The following MARCHF1 variants were observed in gnomAD, a reference collection of about 807,000 sequenced individuals.
MARCHF1 encodes membrane associated ring-CH-type finger 1.
A neutral mutation model predicts 54.2 loss-of-function variants in MARCHF1; 40 were observed. That is an observed-to-expected ratio of 0.74 (90% CI 0.57 to 0.96). The LOEUF (loss-of-function observed/expected upper bound fraction) is 0.96, where lower values mean the gene tolerates loss of function less well. MARCHF1 is among the 40% of genes least tolerant of loss of function. The pLI is 0.00. For missense variants in MARCHF1, 586 were observed against 656.5 expected, an observed-to-expected ratio of 0.89 and a Z score of 1.17; for synonymous variants, 236 against 236.3, an observed-to-expected ratio of 1.00 and a Z score of 0.01.
At chr4:163,958,904 C>G (rs1391728745) in intron 3 of MARCHF1, among the ~76,000 whole-genome samples, 1 of 151,914 alleles carries the variant, frequency 6.6e-6, no homozygotes. Context: ...GGATTTATAG[C>G]CTCCACTTTC....
At chr4:163,745,898 G>C (rs1400939068) in intron 4 of MARCHF1, among the ~76,000 whole-genome samples, 2 of 152,052 alleles carry the variant, frequency 1.3e-5, no homozygotes, top group Non-Finnish European at 2.9e-5. Context: ...AAAATTGAAG[G>C]GAAAGCACAC....
intron 5 of MARCHF1, among the ~76,000 whole-genome samples, chr4:163,656,383 A>G (rs1425744154): frequency 6.6e-6 from 1 of 152,060 alleles, no homozygotes; most frequent in African/African-American, 2.4e-5. Flanking sequence ...GAATAGACTA[A>G]TAACAAGTTC....
chr4:163,613,869 T>A (rs1486025024), intron 5 of MARCHF1, among the ~76,000 whole-genome samples: 2 of 152,142 alleles, frequency 1.3e-5, no homozygotes, highest in Non-Finnish European at 2.9e-5. Flanking sequence ...TACTTTGTAA[T>A]ATTTAAAAGC....
At chr4:163,647,528 T>C (rs1448224548) in intron 5 of MARCHF1, among the ~76,000 whole-genome samples, 4 of 151,968 alleles carry the variant, frequency 2.6e-5, no homozygotes, top group Non-Finnish European at 5.9e-5. Flanking sequence ...AAACAAGTCT[T>C]AACAAATTTA....
intron 8 of MARCHF1, among the ~76,000 whole-genome samples, chr4:163,555,481 T>C (rs1457677082): frequency 1.3e-5 from 2 of 152,144 alleles, no homozygotes; most frequent in African/African-American, 4.8e-5. Flanking sequence ...TACTTGAAAG[T>C]TTAATTAATA....
chr4:164,136,057 T>C lies in MARCHF1; in HGVS notation c.-322-24395A>G, dbSNP rs368482827. Among the ~76,000 whole-genome samples, 10 of 152,134 alleles carry C rather than the reference T, an allele frequency of 6.6e-5. No individual in the cohort carries two copies. In the South Asian group the frequency reaches 1.0e-3, roughly 16 times the overall value. ...GAAAAGATACAGTTATACACATATT[T>C]TTTTCAATGATCAAATTTCCATTTT... On this transcript the variant is annotated intron_variant, in intron 1 of 9. Transcript: ENST00000514618.
intron 1 of MARCHF1, among the ~76,000 whole-genome samples, chr4:164,357,254 G>A (rs530784539): frequency 1.3e-5 from 2 of 152,230 alleles, no homozygotes; most frequent in South Asian, 4.1e-4. Flanking sequence ...TTTCGCGACT[G>A]TGAGGGGAGA....
intron 4 of MARCHF1, among the ~76,000 whole-genome samples, chr4:163,704,631 T>C (rs1744899580): frequency 6.6e-6 from 1 of 151,680 alleles, no homozygotes; most frequent in South Asian, 2.1e-4. Flanking sequence ...TTAACTAAGA[T>C]ACTTTTATAT....
At chr4:164,142,784 C>T (rs775591071) in intron 1 of MARCHF1, among the ~76,000 whole-genome samples, 113 of 152,302 alleles carry the variant, frequency 7.4e-4, no homozygotes, top group Non-Finnish European at 1.1e-3. Context: ...TCCAAAGGAA[C>T]GCAGTTCCTC....
intron 3 of MARCHF1, among the ~76,000 whole-genome samples, chr4:163,949,651 G>T (rs1283153759): frequency 6.6e-6 from 1 of 152,166 alleles, no homozygotes; most frequent in Non-Finnish European, 1.5e-5. Context: ...GACCCACAGT[G>T]GGTAGCTTCT....
At chr4:163,920,515 GAAGA>G (rs1300402652) in intron 3 of MARCHF1, among the ~76,000 whole-genome samples, 3 of 152,142 alleles carry the variant, frequency 2.0e-5, no homozygotes, top group Non-Finnish European at 4.4e-5. Context: ...GCCAGTTTCT[GAAGA>G]ATGAGGTTAT....
chr4:163,761,517 G>GT lies in MARCHF1; in HGVS notation c.112-60655dup, dbSNP rs1294124877. Among the ~76,000 whole-genome samples, 78 of 115,896 alleles carry GT rather than the reference G, an allele frequency of 6.7e-4. 1 individual carries two copies. Among genetic ancestry groups the GT allele is most frequent in the East Asian group, 9.3e-4 (4 of 4,312 alleles). 76.0% of individuals were successfully genotyped at this position (115,896 alleles called of 152,430 possible). ...CTGAAGGAGGATAATTGAATATTAA[G>GT]TGGAAGAAGTTGTAGGTCTGGATTA... is the stretch of plus-strand genomic sequence containing the variant. On this transcript the variant is annotated intron_variant, in intron 4 of 9. Transcript: ENST00000514618.
At chr4:163,688,735 G>A (rs780922293) in intron 5 of MARCHF1, among the ~76,000 whole-genome samples, 1 of 152,092 alleles carries the variant, frequency 6.6e-6, no homozygotes, top group Non-Finnish European at 1.5e-5. Context: ...TATCAGTAGA[G>A]AGCATTCATT....
chr4:163,572,355 T>C (rs1739868541), intron 8 of MARCHF1, among the ~76,000 whole-genome samples: 1 of 151,668 alleles, frequency 6.6e-6, no homozygotes, highest in Non-Finnish European at 1.5e-5. Flanking sequence ...ATTCTTCACT[T>C]GCTTTTCACA....
chr4:164,195,042 C>T (rs1461180780), intron 1 of MARCHF1, among the ~76,000 whole-genome samples: 1 of 151,796 alleles, frequency 6.6e-6, no homozygotes, highest in East Asian at 1.9e-4. Flanking sequence ...TCAACTCGCA[C>T]TCATGAGTGA....
At chr4:163,591,062 CAT>C (rs571342151) in intron 7 of MARCHF1, among the ~76,000 whole-genome samples, 23 of 150,834 alleles carry the variant, frequency 1.5e-4, no homozygotes, top group East Asian at 5.8e-4. Flanking sequence ...TCAATTATTT[CAT>C]ATGATTATTA....
At chr4:163,789,128 T>G (rs1193920869) in intron 4 of MARCHF1, among the ~76,000 whole-genome samples, 1 of 152,060 alleles carries the variant, frequency 6.6e-6, no homozygotes, top group Non-Finnish European at 1.5e-5. Flanking sequence ...ATTTAAACAT[T>G]TATTAGTCTC....
chr4:163,640,059 A>AT (rs1236694928), intron 5 of MARCHF1, among the ~76,000 whole-genome samples: 2 of 152,082 alleles, frequency 1.3e-5, no homozygotes, highest in Admixed American at 1.3e-4. Flanking sequence ...TTAAAATGAG[A>AT]TTTTGGGTTG....
At chr4:163,998,517 A>G (rs1356056836) in intron 2 of MARCHF1, among the ~76,000 whole-genome samples, 1 of 151,642 alleles carries the variant, frequency 6.6e-6, no homozygotes, top group Non-Finnish European at 1.5e-5. Flanking sequence ...GGAAAATTAA[A>G]ATCTACTCTC....
Sources: allele counts gnomAD v4.1 joint callset (sites outside exome capture counted in the v4.1 genomes callset), GRCh38; gene constraint gnomAD v4.1.1; transcripts MANE v1.5; gene names NCBI Gene and HGNC (gene_info 2026-07-23, HGNC 2026-07-21).